Variants in DPYSL4 observed in about 807,000 individuals in gnomAD.
DPYSL4 encodes dihydropyrimidinase-related protein 4.
Under a neutral mutation model 63.4 loss-of-function variants are expected in DPYSL4, and 43 were observed. The observed-to-expected ratio is 0.68, with a 90% CI of 0.53 to 0.88. The LOEUF is 0.88. Ranked by LOEUF, DPYSL4 falls within the 40% of genes least tolerant of loss-of-function variation. The pLI is 0.00. For missense variants in DPYSL4, 733 were observed against 819.5 expected, an observed-to-expected ratio of 0.89 and a Z score of 1.29; for synonymous variants, 353 against 331.7, an observed-to-expected ratio of 1.06 and a Z score of -0.70.
intron 4 of DPYSL4, among the ~76,000 whole-genome samples, chr10:132,196,339 T>C (rs1176849431): frequency 6.6e-6 from 1 of 152,138 alleles, no homozygotes; most frequent in African/African-American, 2.4e-5. Context: ...CTTCTGCTCG[T>C]CCTAAGGGCC....
chr10:132,194,126 C>T (rs1230058415), intron 3 of DPYSL4, among the ~76,000 whole-genome samples: 2 of 152,270 alleles, frequency 1.3e-5, no homozygotes, highest in African/African-American at 4.8e-5. Context: ...CCTGCAGGCC[C>T]AGGCTGGCAC....
At chr10:132,195,402 A>G (rs2061930354) in intron 4 of DPYSL4, among the ~76,000 whole-genome samples, 1 of 152,184 alleles carries the variant, frequency 6.6e-6, no homozygotes, top group Non-Finnish European at 1.5e-5. Flanking sequence ...CAGTCTATAA[A>G]CAAGTTAACA....
At chr10:132,193,504 C>A (rs7915723) in intron 3 of DPYSL4, among the ~76,000 whole-genome samples, 74,806 of 152,048 alleles carry the variant, frequency 0.49, 19,669 homozygotes, top group East Asian at 0.9. Context: ...ACCACGAGCA[C>A]GTGGTGAGCT....
chr10:132,194,317 G>A (rs76231539), intron 3 of DPYSL4, among the ~76,000 whole-genome samples: 2,889 of 152,356 alleles, frequency 0.019, 93 homozygotes, highest in African/African-American at 0.064. Context: ...CGGGCCTTGG[G>A]TGTGTGGTTG....
rs765616452 is a variant in DPYSL4, at chr10:132,204,826, G to GC, written c.1628-10dup. 1 of 1,601,146 alleles carries GC rather than the reference G, an allele frequency of 6.2e-7. No individual in the cohort carries two copies. Among genetic ancestry groups the GC allele is most frequent in the African/African-American group, 1.3e-5 (1 of 74,422 alleles). On this transcript the variant is annotated splice_polypyrimidine_tract_variant and intron_variant, in intron 13 of 13. Transcript: ENST00000338492. Reference sequence around the variant, plus strand: ...GCCTCATTCTCCCCTGCCCATCTGTGCCCTTTCTTCAGGGTCTCAGGCTGA... The same window carrying GC: ...GCCTCATTCTCCCCTGCCCATCTGTGCCCCTTTCTTCAGGGTCTCAGGCTGA...
chr10:132,198,751 C>G (rs189716540), intron 7 of DPYSL4, 100 bp from the exon 8 acceptor site: 7 of 1,533,182 alleles, frequency 4.6e-6, no homozygotes, highest in Non-Finnish European at 6.2e-6. Context: ...CTGCCCTGAG[C>G]CTGGGATCCC....
At chr10:132,198,349 G>C (rs1241686849) in intron 6 of DPYSL4, 66 bp from the exon 7 acceptor site, 2 of 1,518,030 alleles carry the variant, frequency 1.3e-6, no homozygotes, top group African/African-American at 1.4e-5. Flanking sequence ...CCCAGCCTTG[G>C]GCTTAGCATC....
chr10:132,194,557 C>T (rs532565831), intron 3 of DPYSL4, among the ~76,000 whole-genome samples: 13 of 152,186 alleles, frequency 8.5e-5, no homozygotes, highest in South Asian at 6.2e-4. Flanking sequence ...CCTCCAAGTG[C>T]GATGTGGGAG....
In DPYSL4 at chr10:132,202,121, G is replaced by C. The variant is rs745367235; in HGVS notation, c.1281+5G>C. The C allele has an allele frequency of 6.2e-7, 1 of 1,609,604 alleles. No homozygotes were observed. The highest frequency in any genetic ancestry group is 8.5e-7 in the Non-Finnish European group (1 of 1,177,964). On this transcript the variant is annotated splice_donor_5th_base_variant and intron_variant, in intron 11 of 13. Transcript: ENST00000338492. ...TCTGCCAAGACCCACAATCTGGTAA[G>C]AGAAGGCGGCTGTAAGTCAGGGTTG...
Position 132,198,932 on chromosome 10 carries a change from A to G in DPYSL4, c.772A>G (p.Lys258Glu). 1 of 1,612,806 alleles carries G rather than the reference A, an allele frequency of 6.2e-7. No individual in the cohort carries two copies. The highest frequency in any genetic ancestry group is 8.5e-7 in the Non-Finnish European group (1 of 1,179,900). Residue 258 changes from lysine (K) to glutamate (E), a missense_variant, in exon 8 of 14, where the codon AAG becomes GAG. By Grantham distance (56) the Lys-to-Glu change is moderately conservative (BLOSUM62 1). Transcript: ENST00000338492. Reference sequence around the variant, plus strand: ...GCTGTACGTCACCAAGGTGATGAGCAAGGGGGCGGCCGACGCCATCGCTCA... The same window carrying G: ...GCTGTACGTCACCAAGGTGATGAGCGAGGGGGCGGCCGACGCCATCGCTCA... ...CPLYVTKVMS[K>E]GAADAIAQAK...
At chr10:132,203,473 AC>A in intron 12 of DPYSL4, 1 of 464,438 alleles carries the variant, frequency 2.2e-6, no homozygotes, top group South Asian at 4.1e-5. Flanking sequence ...GAGCATGTGC[AC>A]CTGTGTTGGT....
chr10:132,194,142 G>A (rs2061911257), intron 3 of DPYSL4, among the ~76,000 whole-genome samples: 1 of 152,280 alleles, frequency 6.6e-6, no homozygotes, highest in South Asian at 2.1e-4. Flanking sequence ...GGCACTGTGG[G>A]TGGCTGCAGG....
chr10:132,203,902 A>G lies in DPYSL4; in HGVS notation c.1602A>G (p.Leu534=), dbSNP rs775451521. ...TCTCCGTCCCTCCTGTGCGCAACCT[A>G]CATCAGTCGGGGTTCAGCCTATCTG... The part of the protein sequence containing the change: ...GKISVPPVRN[L]HQSGFSLSGS... Residue 534 remains leucine, a synonymous_variant, in exon 13 of 14, where the codon CTA becomes CTG. Transcript: ENST00000338492. 1.2e-6 allele frequency: 2 copies of G among 1,608,184 alleles called. No homozygotes were observed. Among genetic ancestry groups the G allele is most frequent in the Admixed American group, 1.7e-5 (1 of 59,906 alleles).
chr10:132,198,660 C>A (rs1332663603), intron 7 of DPYSL4, among the ~76,000 whole-genome samples, 177 bp downstream of exon 7: 2 of 152,222 alleles, frequency 1.3e-5, no homozygotes, highest in African/African-American at 2.4e-5. Context: ...CCCCCACAAC[C>A]CTACAGCCTG....
At chr10:132,191,049 G>A (rs1340111294) in intron 2 of DPYSL4, among the ~76,000 whole-genome samples, 8 of 139,216 alleles carry the variant, frequency 5.7e-5, no homozygotes, top group South Asian at 2.4e-4. Context: ...GTGTGTACAC[G>A]CTGGTCACAT....
chr10:132,190,948 G>A lies in DPYSL4; in HGVS notation c.128+113G>A, dbSNP rs372541993. On this transcript the variant is annotated intron_variant, in intron 2 of 13. Coordinates refer to ENST00000338492, the MANE Select transcript of DPYSL4 (RefSeq NM_006426.3). ...CAGCTCGTGTGTACACGCTGGTCAC[G>A]TGGTATCCAGGCAGGTGAAAGTATG... 3.0e-4 allele frequency: 301 copies of A among 989,240 alleles called. 2 individuals carry two copies. The highest frequency in any genetic ancestry group is 2.4e-3 in the South Asian group (152 of 64,466). The allele number at this position is 989,240 out of a possible 1,614,324, so 61.3% of individuals were successfully genotyped here.
chr10:132,197,442 C>T (rs1308844985), intron 6 of DPYSL4, among the ~76,000 whole-genome samples: 1 of 152,252 alleles, frequency 6.6e-6, no homozygotes, highest in African/African-American at 2.4e-5. Context: ...TTACCACCTT[C>T]CTTCCAGCCA....
At chr10:132,198,783 C>G (rs911428371) in intron 7 of DPYSL4, 68 bp from the exon 8 acceptor site, 22 of 1,587,414 alleles carry the variant, frequency 1.4e-5, no homozygotes, top group Non-Finnish European at 1.9e-5. Context: ...CTGGGCATCC[C>G]CATTGCCCAC....
chr10:132,203,985 C>T (rs531768090), intron 13 of DPYSL4, 58 bp downstream of exon 13: 4 of 1,547,600 alleles, frequency 2.6e-6, no homozygotes, highest in African/African-American at 1.4e-5. Flanking sequence ...CATCCAGGGC[C>T]TCAGGTACCA....
Sources: gnomAD v4.1 joint callset for allele counts (sites outside exome capture counted in the v4.1 genomes callset) on GRCh38, gnomAD v4.1.1 for gene constraint, MANE v1.5 for transcripts, NCBI Gene and HGNC (gene_info 2026-07-23, HGNC 2026-07-21) for gene names.